The following RNF11 variants were observed in gnomAD, a reference collection of about 807,000 sequenced individuals.
The protein encoded by RNF11 is ring finger protein 11.
A neutral mutation model predicts 15.8 loss-of-function variants in RNF11; 4 were observed. That is an observed-to-expected ratio of 0.25 (90% CI 0.12 to 0.58). The LOEUF is 0.58. Ranked by LOEUF, RNF11 falls within the 20% of genes least tolerant of loss-of-function variation. The pLI is 0.91. For synonymous variants in RNF11, 68 were observed against 72.3 expected (o/e 0.94, Z 0.30); for missense variants, 139 against 194.4 (o/e 0.71, Z 1.70).
intron 1 of RNF11, among the ~76,000 whole-genome samples, chr1:51,245,065 C>A (rs1248613822): frequency 6.6e-6 from 1 of 152,088 alleles, no homozygotes; most frequent in East Asian, 1.9e-4. Context: ...GATTGGGATT[C>A]TTTTTCTTTC....
chr1:51,245,326 T>C (rs568197973), intron 1 of RNF11, among the ~76,000 whole-genome samples: 5 of 152,292 alleles, frequency 3.3e-5, no homozygotes, highest in Admixed American at 1.3e-4. Flanking sequence ...CTATTTTTTG[T>C]ATTTTTAGTA....
In RNF11 at chr1:51,236,947, G is replaced by T; in HGVS notation, c.123+68G>T. Reference sequence around the variant, plus strand: ...CTGGCGGAGATTGAGGGGGCTTCGGGGCCGTCTCTGCCCCTGGCTTCGGCA... The same window carrying T: ...CTGGCGGAGATTGAGGGGGCTTCGGTGCCGTCTCTGCCCCTGGCTTCGGCA... On this transcript the variant is annotated intron_variant, in intron 1 of 2. Coordinates refer to ENST00000242719, the MANE Select transcript of RNF11 (RefSeq NM_014372.5). 5 of 1,530,574 alleles carry T rather than the reference G, an allele frequency of 3.3e-6. No individual in the cohort carries two copies. The East Asian group carries it at 1.2e-4, about 38-fold the overall frequency. The allele number at this position is 1,530,574 out of a possible 1,614,324, so 94.8% of individuals were successfully genotyped here. A position where few individuals can be genotyped will look rare whatever the true frequency, so the allele number is the denominator to read the frequency against.
chr1:51,271,359 T>G lies in RNF11; in HGVS notation c.*37T>G. ...TTATCTGACTTCAAGTGAACCACCA[T>G]TTTGGTGGTTTTGATCTTTTGTCAC... On this transcript the variant is annotated 3_prime_UTR_variant, in exon 3 of 3. Transcript: ENST00000242719. 6.5e-7 allele frequency: 1 copy of G among 1,532,494 alleles called. No individual in the cohort carries two copies. Among genetic ancestry groups the G allele is most frequent in the Non-Finnish European group, 8.9e-7 (1 of 1,121,082 alleles). 94.9% of individuals were successfully genotyped at this position (1,532,494 alleles called of 1,614,324 possible). A position where few individuals can be genotyped will look rare whatever the true frequency, so the allele number is the denominator to read the frequency against.
intron 1 of RNF11, chr1:51,265,330 A>G (rs1334106714): frequency 6.6e-6 from 1 of 151,964 alleles, no homozygotes; most frequent in Admixed American, 6.6e-5. Context: ...TCTCCAAAAA[A>G]AAAAAAAAAA....
At chr1:51,244,467 C>T (rs893493039) in intron 1 of RNF11, among the ~76,000 whole-genome samples, 1 of 152,132 alleles carries the variant, frequency 6.6e-6, no homozygotes, top group Non-Finnish European at 1.5e-5. Flanking sequence ...TCACTGCAAG[C>T]TCCGCCTCCC....
rs575865396 is a variant in RNF11, at chr1:51,254,948, C to T, written c.124-15008C>T. ...CTAACTTTACTCTGGGAGAAAAAAA[C>T]ATAGCTCCAATTTTCTTTTCATTAT... On this transcript the variant is annotated intron_variant, in intron 1 of 2. Transcript: ENST00000242719. 1.5e-4 allele frequency among the ~76,000 whole-genome samples: 23 copies of T among 152,210 alleles called. No individual in the cohort carries two copies. In the East Asian group the frequency reaches 4.0e-3, roughly 27 times the overall value.
intron 1 of RNF11, among the ~76,000 whole-genome samples, chr1:51,253,699 A>G (rs571928466): frequency 3.3e-5 from 5 of 152,184 alleles, no homozygotes; most frequent in Admixed American, 6.6e-5. Context: ...AAATTTTATG[A>G]AGAAGAATGT....
chr1:51,259,863 G>A (rs149576882), intron 1 of RNF11, among the ~76,000 whole-genome samples: 30 of 152,290 alleles, frequency 2.0e-4, no homozygotes, highest in Admixed American at 5.2e-4. Flanking sequence ...AGGAGAAGAC[G>A]TTAGAAAGAT....
At chr1:51,258,199 A>G (rs769872792) in intron 1 of RNF11, among the ~76,000 whole-genome samples, 8 of 152,116 alleles carry the variant, frequency 5.3e-5, no homozygotes, top group Non-Finnish European at 8.8e-5. Context: ...ATGGCACGCA[A>G]TTTACAACAT....
chr1:51,250,742 C>G (rs1450511107), intron 1 of RNF11: 20 of 1,368,892 alleles, frequency 1.5e-5, no homozygotes, highest in Non-Finnish European at 1.9e-5. Context: ...AGCTGTAGGT[C>G]TTAGAAATGG....
chr1:51,242,325 C>CTTTTTTTT (rs57821900), intron 1 of RNF11, among the ~76,000 whole-genome samples: 17 of 131,142 alleles, frequency 1.3e-4, no homozygotes, highest in African/African-American at 4.6e-4. Flanking sequence ...TTCAAGATAC[C>CTTTTTTTT]TTTTTTTTTT....
At chr1:51,271,003 T>A (rs1646975624) in intron 2 of RNF11, 148 bp from the exon 3 acceptor site, 1 of 655,498 alleles carries the variant, frequency 1.5e-6, no homozygotes. Context: ...AGGAAAAAAT[T>A]CAGTTTGCAT....
chr1:51,248,833 G>T (rs1646864417), intron 1 of RNF11, among the ~76,000 whole-genome samples: 1 of 152,142 alleles, frequency 6.6e-6, no homozygotes, highest in Non-Finnish European at 1.5e-5. Flanking sequence ...GAGTCAAAAA[G>T]ATAGCCTTCT....
rs1263985993 is a variant in RNF11 at position 51,273,269 on chromosome 1, C to T, written c.*1947C>T. The stretch of plus-strand genomic sequence containing the variant: ...TTTTTAAAAATCATCTTCCATGTTG[C>T]AGTTAGTCTTTCTTTTCATTACAAG... On this transcript the variant is annotated 3_prime_UTR_variant, in exon 3 of 3. Coordinates refer to ENST00000242719, the MANE Select transcript of RNF11 (RefSeq NM_014372.5). The T allele has an allele frequency of 6.6e-6, 1 of 152,030 alleles. No homozygotes were observed. The highest frequency in any genetic ancestry group is 1.5e-5 in the Non-Finnish European group (1 of 67,978). The allele number at this position is 152,030 out of a possible 1,614,324, so 9.4% of individuals were successfully genotyped here.
chr1:51,263,379 C>T (rs183536224), intron 1 of RNF11, among the ~76,000 whole-genome samples: 5 of 152,218 alleles, frequency 3.3e-5, no homozygotes, highest in South Asian at 2.1e-4. Context: ...AAGTGAAAGT[C>T]GAGCCACAAA....
chr1:51,257,545 C>G (rs560652421), intron 1 of RNF11, among the ~76,000 whole-genome samples: 1 of 152,222 alleles, frequency 6.6e-6, no homozygotes, highest in African/African-American at 2.4e-5. Flanking sequence ...ACCTCTGCCC[C>G]CTCCGATTCA....
At chr1:51,240,654 T>C (rs1330170307) in intron 1 of RNF11, among the ~76,000 whole-genome samples, 1 of 152,214 alleles carries the variant, frequency 6.6e-6, no homozygotes, top group Non-Finnish European at 1.5e-5. Flanking sequence ...TTAAATGAAC[T>C]AATGTATTTG....
chr1:51,263,662 T>C (rs905717864), intron 1 of RNF11, among the ~76,000 whole-genome samples: 2 of 152,218 alleles, frequency 1.3e-5, no homozygotes, highest in Admixed American at 1.3e-4. Context: ...ATCTGAATAA[T>C]GCTTATCTAT....
intron 1 of RNF11, among the ~76,000 whole-genome samples, chr1:51,238,919 G>A (rs1410702561): frequency 6.6e-6 from 1 of 151,880 alleles, no homozygotes. Context: ...TAGTAAAGAC[G>A]GGGTTTCACC....
Sources: allele counts gnomAD v4.1 joint callset (sites outside exome capture counted in the v4.1 genomes callset), GRCh38; gene constraint gnomAD v4.1.1; transcripts MANE v1.5; gene names NCBI Gene and HGNC (gene_info 2026-07-23, HGNC 2026-07-21).